PLS1: variants seen among roughly 807,000 people sequenced by gnomAD.
PLS1 encodes the protein plastin 1.
Under a neutral mutation model 73.7 loss-of-function variants are expected in PLS1, and 32 were observed. That is an observed-to-expected ratio of 0.43 (90% CI 0.33 to 0.58). The LOEUF is 0.58. PLS1 is among the 20% of genes least tolerant of loss of function. The pLI is 0.04. For missense variants in PLS1, 633 were observed against 740.5 expected, an observed-to-expected ratio of 0.85 and a Z score of 1.68; for synonymous variants, 217 against 261.3, an observed-to-expected ratio of 0.83 and a Z score of 1.63.
At chr3:142,676,575 G>A (rs1255487258) in intron 5 of PLS1, among the ~76,000 whole-genome samples, 1 of 152,018 alleles carries the variant, frequency 6.6e-6, no homozygotes, top group Non-Finnish European at 1.5e-5. Flanking sequence ...TTAAATATTC[G>A]CAGGGTTTCT....
At chr3:142,626,057 G>C (rs2036421321) in intron 1 of PLS1, among the ~76,000 whole-genome samples, 1 of 152,152 alleles carries the variant, frequency 6.6e-6, no homozygotes, top group Non-Finnish European at 1.5e-5. Context: ...GCCCAGGCTG[G>C]GATTACAGGC....
intron 1 of PLS1, among the ~76,000 whole-genome samples, chr3:142,660,534 G>A (rs978539764): frequency 1.3e-5 from 2 of 152,128 alleles, no homozygotes; most frequent in African/African-American, 4.8e-5. Context: ...CCTTGTAATC[G>A]TATGGCTGAA....
At chr3:142,675,502 C>T (rs1246483483) in intron 4 of PLS1, among the ~76,000 whole-genome samples, 1 of 152,112 alleles carries the variant, frequency 6.6e-6, no homozygotes, top group Admixed American at 6.5e-5. Flanking sequence ...CCTGCCTCAG[C>T]CTCCCAAGTA....
At chr3:142,684,587 T>C (rs2037925250) in intron 8 of PLS1, among the ~76,000 whole-genome samples, 192 bp downstream of exon 8, 1 of 152,190 alleles carries the variant, frequency 6.6e-6, no homozygotes, top group Non-Finnish European at 1.5e-5. Context: ...ACCAGATATA[T>C]TGGCTTTTAA....
intron 1 of PLS1, chr3:142,619,553 A>G (rs2036277521): frequency 6.6e-6 from 1 of 152,218 alleles, no homozygotes; most frequent in Non-Finnish European, 1.5e-5. Flanking sequence ...CAGATTTCCA[A>G]AGGCTGTTTT....
intron 1 of PLS1, among the ~76,000 whole-genome samples, chr3:142,661,790 A>C (rs1577856519): frequency 6.6e-6 from 1 of 152,236 alleles, no homozygotes; most frequent in African/African-American, 2.4e-5. Flanking sequence ...TATGAGAAAT[A>C]CAATATAATT....
At chr3:142,606,497 ACTTTC>A (rs1040029004) in intron 1 of PLS1, among the ~76,000 whole-genome samples, 154 of 152,284 alleles carry the variant, frequency 1.0e-3, no homozygotes, top group African/African-American at 3.5e-3. Context: ...AGTTTCTCAG[ACTTTC>A]CTTAATATCA....
Position 142,694,555 on chromosome 3 carries a change from T to G in PLS1, c.1256+8T>G. The stretch of plus-strand genomic sequence containing the variant: ...CATTAATCATTTGTACAGGTAAATA[T>G]TTTATTGTGCTTCAGCTTTACTGTC... On this transcript the variant is annotated splice_region_variant and intron_variant, in intron 11 of 15. Transcript: ENST00000457734. The G allele has an allele frequency of 6.6e-7, 1 of 1,505,434 alleles. No individual in the cohort carries two copies. Among genetic ancestry groups the G allele is most frequent in the Non-Finnish European group, 9.2e-7 (1 of 1,082,662 alleles). 93.3% of individuals were successfully genotyped at this position (1,505,434 alleles called of 1,614,324 possible).
intron 1 of PLS1, among the ~76,000 whole-genome samples, chr3:142,651,276 A>G (rs1054943058): frequency 2.6e-5 from 4 of 151,988 alleles, no homozygotes; most frequent in African/African-American, 9.7e-5. Flanking sequence ...CCTGGCCAAC[A>G]TGATGAAACC....
intron 9 of PLS1, among the ~76,000 whole-genome samples, chr3:142,687,414 C>T (rs1040862797): frequency 6.6e-6 from 1 of 152,038 alleles, no homozygotes; most frequent in South Asian, 2.1e-4. Flanking sequence ...TAAAGTGCGG[C>T]GTCCGTAACA....
chr3:142,607,076 C>T (rs2036034068), intron 1 of PLS1, among the ~76,000 whole-genome samples: 1 of 152,092 alleles, frequency 6.6e-6, no homozygotes, highest in Non-Finnish European at 1.5e-5. Flanking sequence ...CCTGTTTGTC[C>T]ACATCCTCAC....
At chr3:142,680,424 T>G (rs1245752205) in intron 6 of PLS1, among the ~76,000 whole-genome samples, 1 of 152,232 alleles carries the variant, frequency 6.6e-6, no homozygotes, top group Non-Finnish European at 1.5e-5. Context: ...GAAATGAAGA[T>G]TCAAGGTACT....
chr3:142,604,075 T>TA (rs2035976393), intron 1 of PLS1, among the ~76,000 whole-genome samples: 1 of 152,110 alleles, frequency 6.6e-6, no homozygotes, highest in Admixed American at 6.5e-5. Flanking sequence ...ATGTTTATAT[T>TA]AAAAAAATGA....
chr3:142,612,841 G>A (rs1250982106), intron 1 of PLS1, among the ~76,000 whole-genome samples: 1 of 151,922 alleles, frequency 6.6e-6, no homozygotes, highest in Non-Finnish European at 1.5e-5. Context: ...GCACAATCTT[G>A]GCTCACTCCA....
At chr3:142,667,355 T>A (rs987950304) in intron 2 of PLS1, among the ~76,000 whole-genome samples, 1 of 151,944 alleles carries the variant, frequency 6.6e-6, no homozygotes, top group African/African-American at 2.4e-5. Context: ...GCAGAGGTTG[T>A]AGTGAGCTGA....
rs17852907 is a variant in PLS1 at position 142,671,118 on chromosome 3, T to C, written c.360T>C (p.Tyr120=). Residue 120 remains tyrosine, a synonymous_variant, in exon 4 of 16, where the codon TAT becomes TAC. Coordinates refer to ENST00000457734, the MANE Select transcript of PLS1 (RefSeq NM_001145319.2). ...CCAGTGAGGGCACACAGCATTCTTA[T>C]TCAGGTAACTGACTTCTCCAAATTT... ...TISSEGTQHS[Y]SEEEKVAFVN... The C allele has an allele frequency of 8.1e-6, 13 of 1,610,702 alleles. No homozygotes were observed. The highest frequency in any genetic ancestry group is 1.1e-5 in the Non-Finnish European group (13 of 1,177,850).
At chr3:142,598,570 G>A (rs1342582599) in intron 1 of PLS1, among the ~76,000 whole-genome samples, 2 of 152,058 alleles carry the variant, frequency 1.3e-5, no homozygotes, top group East Asian at 1.9e-4. Flanking sequence ...GAGAAAAGAG[G>A]GCACAGAATT....
intron 14 of PLS1, among the ~76,000 whole-genome samples, chr3:142,709,880 T>G: frequency 6.6e-6 from 1 of 152,034 alleles, no homozygotes; most frequent in East Asian, 1.9e-4. Context: ...AAGCTGTTAC[T>G]CTTCTTCACA....
intron 5 of PLS1, among the ~76,000 whole-genome samples, chr3:142,676,808 T>C (rs2037735237): frequency 6.6e-6 from 1 of 152,192 alleles, no homozygotes; most frequent in Admixed American, 6.5e-5. Context: ...AGCATACTTC[T>C]TTGGACAAAG....
Sources: allele counts gnomAD v4.1 joint callset (sites outside exome capture counted in the v4.1 genomes callset), GRCh38; gene constraint gnomAD v4.1.1; transcripts MANE v1.5; gene names NCBI Gene and HGNC (gene_info 2026-07-23, HGNC 2026-07-21).